The following AUTS2 variants were observed in gnomAD, a reference collection of about 807,000 sequenced individuals.
The protein encoded by AUTS2 is activator of transcription and developmental regulator AUTS2.
A neutral mutation model predicts 112.4 loss-of-function variants in AUTS2; 17 were observed. The ratio of observed to expected loss-of-function variants is 0.15; its 90% CI spans 0.10 to 0.23. AUTS2 has a LOEUF of 0.23. Ranked by LOEUF, AUTS2 falls within the 10% of genes least tolerant of loss-of-function variation. The pLI is 1.00. For missense variants in AUTS2, 1,510 were observed against 1,701.6 expected (o/e 0.89, Z 1.98); for synonymous variants, 751 against 702.7 (o/e 1.07, Z -1.09).
intron 1 of AUTS2, among the ~76,000 whole-genome samples, chr7:69,882,888 A>G (rs1327429063): frequency 6.6e-6 from 1 of 152,182 alleles, no homozygotes; most frequent in African/African-American, 2.4e-5. Flanking sequence ...TTAGAATGAC[A>G]GTTTCCCTTT....
intron 4 of AUTS2, among the ~76,000 whole-genome samples, chr7:70,332,900 A>G (rs1371943303): frequency 6.6e-6 from 1 of 152,204 alleles, no homozygotes; most frequent in Non-Finnish European, 1.5e-5. Flanking sequence ...GGACATAGAC[A>G]TGGGCAAAGA....
chr7:70,540,485 A>G (rs1238637738), intron 5 of AUTS2, among the ~76,000 whole-genome samples: 1 of 152,128 alleles, frequency 6.6e-6, no homozygotes, highest in South Asian at 2.1e-4. Context: ...AGCCCGGGGG[A>G]AGCACACAGT....
intron 4 of AUTS2, among the ~76,000 whole-genome samples, chr7:70,154,631 A>G (rs1440966671): frequency 6.6e-6 from 1 of 152,216 alleles, no homozygotes; most frequent in South Asian, 2.1e-4. Flanking sequence ...TTTCTGGTCT[A>G]CCTCCTGTCC....
intron 4 of AUTS2, among the ~76,000 whole-genome samples, chr7:70,258,754 G>A (rs1477977366): frequency 6.6e-6 from 1 of 152,148 alleles, no homozygotes; most frequent in Admixed American, 6.5e-5. Context: ...TAATGATAGT[G>A]GACAAGGTAA....
chr7:69,681,799 C>T (rs747180957), intron 1 of AUTS2, among the ~76,000 whole-genome samples: 18 of 152,142 alleles, frequency 1.2e-4, no homozygotes, highest in Non-Finnish European at 2.4e-4. Flanking sequence ...TCTTTTTGCA[C>T]CAGATAGTTC....
intron 4 of AUTS2, among the ~76,000 whole-genome samples, chr7:70,206,168 C>T (rs1283923396): frequency 6.6e-6 from 1 of 152,132 alleles, no homozygotes; most frequent in African/African-American, 2.4e-5. Context: ...CGTTAATGCA[C>T]ACTAGCTCAT....
chr7:70,231,646 T>C (rs1212867295), intron 4 of AUTS2, among the ~76,000 whole-genome samples: 1 of 151,992 alleles, frequency 6.6e-6, no homozygotes, highest in African/African-American at 2.4e-5. Context: ...CGTTTCGCCA[T>C]GTTAGCCAGG....
intron 1 of AUTS2, among the ~76,000 whole-genome samples, chr7:69,653,114 T>G (rs1169722952): frequency 1.3e-5 from 2 of 152,302 alleles, no homozygotes; most frequent in East Asian, 3.9e-4. Flanking sequence ...CACTCTGACC[T>G]TGGGACTTCC....
intron 7 of AUTS2, among the ~76,000 whole-genome samples, chr7:70,764,385 C>T (rs1043528552): frequency 3.3e-5 from 5 of 152,048 alleles, no homozygotes; most frequent in Non-Finnish European, 5.9e-5. Context: ...TTTTGTTAAC[C>T]GTTGCTTTAT....
At chr7:70,171,771 A>G (rs1361945025) in intron 4 of AUTS2, among the ~76,000 whole-genome samples, 3 of 152,202 alleles carry the variant, frequency 2.0e-5, no homozygotes, top group Non-Finnish European at 4.4e-5. Context: ...GGAGACGGTT[A>G]TAAGAAATGA....
intron 6 of AUTS2, among the ~76,000 whole-genome samples, chr7:70,739,003 C>CT (rs57525224): frequency 1.7e-4 from 10 of 57,300 alleles, no homozygotes; most frequent in African/African-American, 5.2e-4. Flanking sequence ...GTTTTGAGGC[C>CT]TTTTTTTTTT....
chr7:69,963,155 G>A (rs1328111606), intron 2 of AUTS2, among the ~76,000 whole-genome samples: 2 of 152,140 alleles, frequency 1.3e-5, no homozygotes, highest in Non-Finnish European at 2.9e-5. Context: ...GCCAGGAAAT[G>A]AAAATAAGTT....
At chr7:70,509,802 C>G (rs1799110229) in intron 5 of AUTS2, among the ~76,000 whole-genome samples, 4 of 152,184 alleles carry the variant, frequency 2.6e-5, no homozygotes, top group Admixed American at 2.6e-4. Context: ...CAATGCCCTT[C>G]CTTGCTGATA....
At chr7:69,897,978 A>G (rs965158803) in intron 1 of AUTS2, among the ~76,000 whole-genome samples, 2 of 152,152 alleles carry the variant, frequency 1.3e-5, no homozygotes, top group Admixed American at 6.5e-5. Context: ...GGAAATTTCT[A>G]TTTTGGTTTT....
chr7:69,892,975 A>C (rs1794591955), intron 1 of AUTS2, among the ~76,000 whole-genome samples: 1 of 152,150 alleles, frequency 6.6e-6, no homozygotes, highest in African/African-American at 2.4e-5. Flanking sequence ...ATGCAATTTT[A>C]ATGTGGTGTG....
intron 5 of AUTS2, among the ~76,000 whole-genome samples, chr7:70,632,223 G>T (rs1805299657): frequency 6.6e-6 from 1 of 152,070 alleles, no homozygotes; most frequent in South Asian, 2.1e-4. Flanking sequence ...AGCATCCATT[G>T]TTAGGACGGA....
chr7:70,696,204 T>A (rs1293933990), intron 5 of AUTS2, among the ~76,000 whole-genome samples: 1 of 152,206 alleles, frequency 6.6e-6, no homozygotes, highest in Non-Finnish European at 1.5e-5. Context: ...AGGGTACTCG[T>A]GTCGTTTCCC....
intron 1 of AUTS2, among the ~76,000 whole-genome samples, chr7:69,810,197 C>T (rs546379600): frequency 4.6e-5 from 7 of 152,184 alleles, no homozygotes; most frequent in Non-Finnish European, 1.0e-4. Flanking sequence ...ATAACAGCGG[C>T]TAAGAGTGCC....
intron 2 of AUTS2, among the ~76,000 whole-genome samples, chr7:70,091,244 G>T (rs1029776564): frequency 6.6e-6 from 1 of 152,038 alleles, no homozygotes; most frequent in African/African-American, 2.4e-5. Flanking sequence ...ATGCTCTTAA[G>T]AATTTCTTTT....
Sources: allele counts gnomAD v4.1 joint callset (sites outside exome capture counted in the v4.1 genomes callset), GRCh38; gene constraint gnomAD v4.1.1; transcripts MANE v1.5; gene names NCBI Gene and HGNC (gene_info 2026-07-23, HGNC 2026-07-21).